TBXAS1: variants seen among roughly 807,000 people sequenced by gnomAD.
TBXAS1 encodes thromboxane-A synthase.
TBXAS1 carries 48 observed loss-of-function variants against 60.7 expected under a neutral mutation model. The ratio of observed to expected loss-of-function variants is 0.79; its 90% confidence interval spans 0.63 to 1.01. The LOEUF is 1.01. Among genes scored for constraint, TBXAS1 ranks in the 50% least tolerant of loss-of-function variants. The pLI is 0.00. For synonymous variants in TBXAS1, 287 were observed against 269.7 expected, an observed-to-expected ratio of 1.06 and a Z score of -0.63; for missense variants, 685 against 686.3, an observed-to-expected ratio of 1.00 and a Z score of 0.02.
chr7:139,946,161 C>T (rs374326939), intron 5 of TBXAS1, among the ~76,000 whole-genome samples: 37 of 152,144 alleles, frequency 2.4e-4, no homozygotes, highest in African/African-American at 8.0e-4. Context: ...AGGGAGACCC[C>T]GTTTCTACAA....
At chr7:139,787,671 A>G (rs928996472) in intron 4 of TBXAS1, among the ~76,000 whole-genome samples, 5 of 152,146 alleles carry the variant, frequency 3.3e-5, no homozygotes, top group African/African-American at 4.8e-5. Flanking sequence ...TCCAAAGGGC[A>G]TTAGGCGTGA....
At chr7:140,011,088 C>T (rs1814568777) in intron 10 of TBXAS1, among the ~76,000 whole-genome samples, 1 of 151,744 alleles carries the variant, frequency 6.6e-6, no homozygotes, top group Non-Finnish European at 1.5e-5. Context: ...ACCAGCCTGA[C>T]CAACATGATG....
chr7:139,972,201 C>G (rs1336195592), intron 9 of TBXAS1, among the ~76,000 whole-genome samples: 5 of 152,234 alleles, frequency 3.3e-5, no homozygotes, highest in Non-Finnish European at 7.3e-5. Context: ...AAAGAGAAGT[C>G]TCTCCCAGGA....
At chr7:139,911,379 C>G in intron 4 of TBXAS1, 58 bp downstream of exon 4, 9 of 1,451,966 alleles carry the variant, frequency 6.2e-6, no homozygotes, top group Non-Finnish European at 8.7e-6. Flanking sequence ...GATGGAGACA[C>G]TGCATGTCAG....
intron 1 of TBXAS1, among the ~76,000 whole-genome samples, chr7:139,860,923 C>T (rs558575815): frequency 5.9e-5 from 9 of 152,162 alleles, no homozygotes; most frequent in Non-Finnish European, 8.8e-5. Flanking sequence ...CCTGTAATCC[C>T]GGCACTTTGG....
rs76250564 is a variant in TBXAS1 at position 139,847,353 on chromosome 7, A to C, written c.89+17874A>C. On this transcript the variant is annotated intron_variant, in intron 1 of 12. Transcript: ENST00000448866. ...ATGAGGCATAGCACATCAGTAAATA[A>C]GCCCCGCTAAGCCATACTCTATTCT... Among the ~76,000 whole-genome samples the C allele has an allele frequency of 4.9e-3, 749 of 152,156 alleles. 8 individuals are homozygous for C. Among genetic ancestry groups the C allele is most frequent in the African/African-American group, 0.017 (719 of 41,412 alleles).
At chr7:139,921,588 A>G (rs1022221720) in intron 4 of TBXAS1, among the ~76,000 whole-genome samples, 1 of 152,168 alleles carries the variant, frequency 6.6e-6, no homozygotes, top group African/African-American at 2.4e-5. Context: ...CTGTGGTCCC[A>G]GGTACTCAGG....
At chr7:139,843,320 C>CTTTATTTATTTATTTA (rs3070196) in intron 1 of TBXAS1, among the ~76,000 whole-genome samples, 7 of 147,892 alleles carry the variant, frequency 4.7e-5, no homozygotes, top group Non-Finnish European at 8.9e-5. Flanking sequence ...TACTACTTTA[C>CTTTATTTATTTATTTA]TTTATTTATT....
chr7:139,786,387 G>A (rs577570090), intron 3 of TBXAS1, among the ~76,000 whole-genome samples: 7 of 152,134 alleles, frequency 4.6e-5, no homozygotes, highest in Middle Eastern at 3.4e-3. Flanking sequence ...GCTTTGAACC[G>A]TTCTGGGAAT....
At chr7:139,900,336 C>G (rs1183666658) in intron 3 of TBXAS1, among the ~76,000 whole-genome samples, 1 of 152,188 alleles carries the variant, frequency 6.6e-6, no homozygotes, top group Admixed American at 6.5e-5. Flanking sequence ...GAACGGATTT[C>G]TGTGTGAGTG....
At chr7:139,870,737 A>T (rs1319995921) in intron 1 of TBXAS1, among the ~76,000 whole-genome samples, 1 of 152,176 alleles carries the variant, frequency 6.6e-6, no homozygotes, top group Non-Finnish European at 1.5e-5. Flanking sequence ...ATAACTTGGG[A>T]TAGAGGACAT....
At chr7:139,838,937 T>G (rs142234114) in intron 1 of TBXAS1, among the ~76,000 whole-genome samples, 30 of 152,338 alleles carry the variant, frequency 2.0e-4, no homozygotes, top group African/African-American at 6.7e-4. Flanking sequence ...AACTAATTTT[T>G]TCCCATATAA....
At chr7:139,918,970 T>C (rs1441244464) in intron 4 of TBXAS1, among the ~76,000 whole-genome samples, 1 of 152,190 alleles carries the variant, frequency 6.6e-6, no homozygotes, top group Non-Finnish European at 1.5e-5. Context: ...TTGGTATTTT[T>C]TTTTTACATT....
chr7:139,816,914 C>A (rs1406420120), intron 4 of TBXAS1, among the ~76,000 whole-genome samples: 2 of 152,134 alleles, frequency 1.3e-5, no homozygotes, highest in Non-Finnish European at 2.9e-5. Context: ...CTCCACAGCC[C>A]TAGTCACCTG....
At chr7:139,827,683 CG>C (rs1798478441), upstream of TBXAS1, among the ~76,000 whole-genome samples, 1 of 152,142 alleles carries the variant, frequency 6.6e-6, no homozygotes. Flanking sequence ...TTGGTAATGA[CG>C]AATTCTCTCA....
chr7:139,949,154 T>C (rs1808995520), intron 5 of TBXAS1, among the ~76,000 whole-genome samples: 1 of 152,222 alleles, frequency 6.6e-6, no homozygotes, highest in Non-Finnish European at 1.5e-5. Context: ...TCTTTCACAC[T>C]GTCCAGGAAT....
rs1488432858 is a variant in TBXAS1, at chr7:139,888,391, A to G, written c.236+12754A>G. 2.0e-5 allele frequency among the ~76,000 whole-genome samples: 3 copies of G among 152,094 alleles called. No homozygotes were observed. In the East Asian group the frequency reaches 5.8e-4, roughly 29 times the overall value. On this transcript the variant is annotated intron_variant, in intron 3 of 12. Transcript: ENST00000448866. ...CTGCTTCCTTGTTCCCTGGGTCTACACTGTTCCTTCTCTTCCTGGAACTGA... is the reference window on the plus strand; with the variant it reads ...CTGCTTCCTTGTTCCCTGGGTCTACGCTGTTCCTTCTCTTCCTGGAACTGA...
chr7:140,008,912 G>A (rs1814305511), intron 10 of TBXAS1, among the ~76,000 whole-genome samples: 2 of 152,222 alleles, frequency 1.3e-5, no homozygotes, highest in African/African-American at 4.8e-5. Context: ...GCTGGTAGCT[G>A]GGGTCCAGCT....
chr7:139,978,599 T>C (rs1811731601), intron 9 of TBXAS1, among the ~76,000 whole-genome samples: 1 of 151,926 alleles, frequency 6.6e-6, no homozygotes, highest in South Asian at 2.1e-4. Context: ...GCTCTTGGTG[T>C]TATTCCAGGC....
Sources: gnomAD v4.1 joint callset for allele counts (sites outside exome capture counted in the v4.1 genomes callset) on GRCh38, gnomAD v4.1.1 for gene constraint, MANE v1.5 for transcripts, NCBI Gene and HGNC (gene_info 2026-07-23, HGNC 2026-07-21) for gene names.